HDAC4: variants seen among roughly 807,000 people sequenced by gnomAD.
The protein encoded by HDAC4 is histone deacetylase A.
A neutral mutation model predicts 135.1 loss-of-function variants in HDAC4; 16 were observed. The ratio of observed to expected loss-of-function variants is 0.12; its 90% CI spans 0.08 to 0.18. The LOEUF (loss-of-function observed/expected upper bound fraction) is 0.18, where lower values mean the gene tolerates loss of function less well. HDAC4 is among the 10% of genes least tolerant of loss of function. The probability of loss-of-function intolerance (pLI) is 1.00; values close to 1 mark genes in which losing one functional copy is unlikely to be tolerated. For missense variants in HDAC4, 1,143 were observed against 1,511.8 expected (o/e 0.76, Z 4.05); for synonymous variants, 685 against 653.4 (o/e 1.05, Z -0.74).
At chr2:239,194,355 T>C (rs2045219901) in intron 3 of HDAC4, among the ~76,000 whole-genome samples, 1 of 152,244 alleles carries the variant, frequency 6.6e-6, no homozygotes, top group South Asian at 2.1e-4. Flanking sequence ...AAATTTCATC[T>C]TAAAAGGAAT....
chr2:239,164,431 T>G (rs1274281992), intron 5 of HDAC4, among the ~76,000 whole-genome samples: 1 of 152,200 alleles, frequency 6.6e-6, no homozygotes, highest in Non-Finnish European at 1.5e-5. Context: ...GCGCCTGTCC[T>G]CCCCAGCTTG....
Position 239,139,916 on chromosome 2 carries a change from A to G in HDAC4, c.866-120T>C. The G allele has an allele frequency of 1.4e-6, 1 of 712,914 alleles. No homozygotes were observed. The highest frequency in any genetic ancestry group is 2.5e-6 in the Non-Finnish European group (1 of 407,264). The allele number at this position is 712,914 out of a possible 1,614,324, so 44.2% of individuals were successfully genotyped here. On this transcript the variant is annotated intron_variant, in intron 8 of 26. Coordinates refer to ENST00000543185, the MANE Select transcript of HDAC4 (RefSeq NM_001378414.1). This position sits in a 1 kb window ranked among gnomAD's most constrained non-coding sequence, Gnocchi z 5.3. ...TGCTCGTTAGCTTGCGACAGGCAGAAGTCCCAACAAAAAGAACATGGCCAT... is the reference window on the plus strand; with the variant it reads ...TGCTCGTTAGCTTGCGACAGGCAGAGGTCCCAACAAAAAGAACATGGCCAT...
intron 12 of HDAC4, among the ~76,000 whole-genome samples, chr2:239,116,345 C>T (rs1052353667): frequency 2.0e-5 from 3 of 152,226 alleles, no homozygotes; most frequent in Non-Finnish European, 4.4e-5. Flanking sequence ...TCTTCCAAGC[C>T]TCTCCCTTCT....
chr2:239,276,292 G>A (rs187730274), intron 2 of HDAC4, among the ~76,000 whole-genome samples: 3 of 152,354 alleles, frequency 2.0e-5, no homozygotes, highest in African/African-American at 7.2e-5. Context: ...AGTGTTGAGG[G>A]GAGAAGGCGT....
chr2:239,079,211 C>A (rs28502313), intron 22 of HDAC4, among the ~76,000 whole-genome samples: 64,982 of 152,132 alleles, frequency 0.43, 14,231 homozygotes, highest in Admixed American at 0.55. Flanking sequence ...CATTGGGGGA[C>A]GTCCTTCTCT....
chr2:239,070,927 GTTT>G (rs10572423), intron 22 of HDAC4, among the ~76,000 whole-genome samples: 54,268 of 144,042 alleles, frequency 0.38, 10,589 homozygotes, highest in African/African-American at 0.51. Context: ...AGTCTCTGTT[GTTT>G]TTTTTTTTTT....
chr2:239,330,315 G>A (rs760552655), intron 2 of HDAC4, among the ~76,000 whole-genome samples: 18 of 152,260 alleles, frequency 1.2e-4, no homozygotes, highest in South Asian at 2.1e-4. Context: ...CAAAGGAAGA[G>A]ATGCCTCACA....
Position 239,144,594 on chromosome 2 carries a change from A to G in HDAC4, c.854T>C (p.Leu285Ser). 6.2e-7 allele frequency: 1 copy of G among 1,614,002 alleles called. No individual in the cohort carries two copies. The highest frequency in any genetic ancestry group is 8.5e-7 in the Non-Finnish European group (1 of 1,180,024). ...CTCAGCCGACATACCTGTGACATCCAACGGACGCTTTTTTAGAGCAGTGAC... is the reference window on the plus strand; with the variant it reads ...CTCAGCCGACATACCTGTGACATCCGACGGACGCTTTTTTAGAGCAGTGAC... ...PVVTALKKRP[L>S]DVTDSACSSA... Residue 285 changes from leucine (L) to serine (S), a missense_variant, in exon 8 of 27, where the codon TTG (leucine) becomes TCG (serine). By Grantham distance (145) the Leu-to-Ser change is moderately radical (BLOSUM62 -2). Coordinates refer to ENST00000543185, the MANE Select transcript of HDAC4 (RefSeq NM_001378414.1).
intron 5 of HDAC4, among the ~76,000 whole-genome samples, chr2:239,168,323 C>T (rs548610142): frequency 6.6e-6 from 1 of 152,212 alleles, no homozygotes; most frequent in Non-Finnish European, 1.5e-5. Context: ...CCTGCTCCTT[C>T]CCCGAGCTTA....
chr2:239,156,889 C>A, intron 6 of HDAC4, 116 bp from the exon 7 acceptor site: 5 of 1,176,554 alleles, frequency 4.2e-6, no homozygotes, highest in Non-Finnish European at 6.1e-6. Flanking sequence ...CCCACCTCAA[C>A]AGACACACCT....
At chr2:239,318,956 C>T (rs985411120) in intron 2 of HDAC4, among the ~76,000 whole-genome samples, 4 of 152,204 alleles carry the variant, frequency 2.6e-5, no homozygotes, top group East Asian at 1.9e-4. Flanking sequence ...TGCCAAGGAA[C>T]GGAACAGCCC....
At chr2:239,147,534 A>ACCGC (rs2041844965) in intron 7 of HDAC4, among the ~76,000 whole-genome samples, 1 of 152,218 alleles carries the variant, frequency 6.6e-6, no homozygotes, top group Admixed American at 6.5e-5. Context: ...CAGCCCCTTC[A>ACCGC]CCGCCCTCGC....
chr2:239,313,483 T>C lies in HDAC4; in HGVS notation c.22+39195A>G, dbSNP rs544297122. Reference sequence around the variant, plus strand: ...GGGGGCTGGCCATCCCACCGAGCACTGATACCGCAGGCTGGACTCTTCCTA... The same window carrying C: ...GGGGGCTGGCCATCCCACCGAGCACCGATACCGCAGGCTGGACTCTTCCTA... On this transcript the variant is annotated intron_variant, in intron 2 of 26. Coordinates refer to ENST00000543185, the MANE Select transcript of HDAC4 (RefSeq NM_001378414.1). This position sits in a 1 kb window ranked among gnomAD's most constrained non-coding sequence, Gnocchi z 5.1. Among the ~76,000 whole-genome samples, 2 of 152,148 alleles carry C rather than the reference T, an allele frequency of 1.3e-5. No individual in the cohort carries two copies. Among genetic ancestry groups the C allele is most frequent in the East Asian group, 3.9e-4 (2 of 5,154 alleles).
At position 239,141,259 on chromosome 2, in the gene HDAC4, G is replaced by T. The variant is rs532724436; in HGVS notation, c.866-1463C>A. On this transcript the variant is annotated intron_variant, in intron 8 of 26. Transcript: ENST00000543185. This position sits in a 1 kb window ranked among gnomAD's most constrained non-coding sequence, Gnocchi z 4.9. ...GGGAACATCTTGCCCTCAACAGCAGGGCAGTCTAAACCTCCCAAGGGCAAA... is the reference window on the plus strand; with the variant it reads ...GGGAACATCTTGCCCTCAACAGCAGTGCAGTCTAAACCTCCCAAGGGCAAA... Among the ~76,000 whole-genome samples the T allele has an allele frequency of 6.6e-6, 1 of 152,050 alleles. No individual in the cohort carries two copies. The highest frequency in any genetic ancestry group is 1.5e-5 in the Non-Finnish European group (1 of 67,990).
intron 25 of HDAC4, 49 bp downstream of exon 25, chr2:239,054,700 C>T (rs767938093): frequency 8.2e-7 from 1 of 1,212,160 alleles, no homozygotes; most frequent in Non-Finnish European, 1.2e-6. Context: ...GTGGTGCAGT[C>T]CCACCCCCAG....
chr2:239,321,968 G>T (rs531674303), intron 2 of HDAC4, among the ~76,000 whole-genome samples: 1 of 152,222 alleles, frequency 6.6e-6, no homozygotes, highest in African/African-American at 2.4e-5. Flanking sequence ...AGCAACGAAA[G>T]CACAGATTTG....
intron 3 of HDAC4, among the ~76,000 whole-genome samples, chr2:239,200,627 T>C (rs1475764422): frequency 1.3e-5 from 2 of 152,220 alleles, no homozygotes; most frequent in East Asian, 3.8e-4. Flanking sequence ...AAAAATATTA[T>C]GGTGCAAGAA....
chr2:239,393,437 C>A (rs958709522), intron 1 of HDAC4, among the ~76,000 whole-genome samples: 8 of 152,240 alleles, frequency 5.3e-5, no homozygotes, highest in African/African-American at 1.9e-4. Flanking sequence ...GCAGACCACA[C>A]CTCCACCCCA....
At chr2:239,347,316 G>A (rs1692789647) in intron 2 of HDAC4, among the ~76,000 whole-genome samples, 2 of 152,186 alleles carry the variant, frequency 1.3e-5, no homozygotes, top group Admixed American at 1.3e-4. Context: ...CTTCTCCCTG[G>A]ACTCACAGGG....
Sources: allele counts gnomAD v4.1 joint callset (sites outside exome capture counted in the v4.1 genomes callset), GRCh38; gene constraint gnomAD v4.1.1; non-coding constraint Gnocchi (gnomAD v3.1); transcripts MANE v1.5; gene names NCBI Gene and HGNC (gene_info 2026-07-23, HGNC 2026-07-21).